Variants in NXN observed in about 807,000 individuals in gnomAD.
The protein encoded by NXN is nucleoredoxin 1.
In NXN, 16 loss-of-function variants were observed where a neutral mutation model predicts 48.6. The ratio of observed to expected loss-of-function variants is 0.33; its 90% confidence interval spans 0.22 to 0.50. The LOEUF (loss-of-function observed/expected upper bound fraction) is 0.50. Among genes scored for constraint, NXN ranks in the 20% least tolerant of loss-of-function variants. NXN has a pLI of 0.98. For missense variants in NXN, 492 were observed against 605.5 expected, an observed-to-expected ratio of 0.81 and a Z score of 1.97; for synonymous variants, 281 against 269.6, an observed-to-expected ratio of 1.04 and a Z score of -0.41.
intron 1 of NXN, among the ~76,000 whole-genome samples, chr17:899,968 C>T (rs1393973285): frequency 6.6e-6 from 1 of 152,050 alleles, no homozygotes; most frequent in South Asian, 2.1e-4. Flanking sequence ...GAGTTTAACA[C>T]TAAAACTTTT....
intron 1 of NXN, among the ~76,000 whole-genome samples, chr17:915,230 G>A (rs567249935): frequency 3.2e-4 from 49 of 152,224 alleles, no homozygotes; most frequent in African/African-American, 5.5e-4. Flanking sequence ...CACTGCACCC[G>A]GCCAGTTGAG....
At chr17:838,803 C>T (rs917283091) in intron 1 of NXN, among the ~76,000 whole-genome samples, 9 of 149,980 alleles carry the variant, frequency 6.0e-5, no homozygotes, top group African/African-American at 1.7e-4. Flanking sequence ...CAAACATCCG[C>T]CCTACAGCTG....
rs1334202727 is a variant in NXN, at chr17:956,518, ATTCTCCTGCCTC to A, written c.360+22789_360+22800del. 1.3e-5 allele frequency among the ~76,000 whole-genome samples: 2 copies of A among 152,112 alleles called. No homozygotes were observed. Among genetic ancestry groups the A allele is most frequent in the African/African-American group, 4.8e-5 (2 of 41,404 alleles). ...AACCTCCACCTCCCGGGTTCCCGCC[ATTCTCCTGCCTC>A]AGCCTCCCAAGTAGCTGGGACTACA... is the stretch of plus-strand genomic sequence containing the variant. On this transcript the variant is annotated intron_variant, in intron 1 of 7. Transcript: ENST00000336868. This position sits in a 1 kb window ranked among gnomAD's most constrained non-coding sequence, Gnocchi z 4.1.
intron 1 of NXN, among the ~76,000 whole-genome samples, chr17:960,134 G>T (rs992003851): frequency 6.6e-5 from 10 of 152,222 alleles, no homozygotes; most frequent in African/African-American, 2.4e-4. Flanking sequence ...TTTGGAACAT[G>T]TGGGAATCAG....
At chr17:899,839 A>G (rs11650972) in intron 1 of NXN, among the ~76,000 whole-genome samples, 110,129 of 152,002 alleles carry the variant, frequency 0.72, 40,808 homozygotes, top group Middle Eastern at 0.87. Flanking sequence ...GCAGTGAGCT[A>G]TGATCATGTC....
intron 1 of NXN, chr17:910,005 A>C (rs1389813515): frequency 6.6e-6 from 1 of 152,238 alleles, no homozygotes; most frequent in Non-Finnish European, 1.5e-5. Flanking sequence ...AATACTTCTA[A>C]CATAAAGGCA....
rs1034144139 is a variant in NXN at position 920,735 on chromosome 17, T to C, written c.360+58584A>G. Among the ~76,000 whole-genome samples, 12 of 148,754 alleles carry C rather than the reference T, an allele frequency of 8.1e-5. No homozygotes were observed. Among genetic ancestry groups the C allele is most frequent in the Non-Finnish European group, 4.5e-5 (3 of 66,856 alleles). ...GTTCAGGAAGCCTTTTTTTTTTTTT[T>C]CCTTTGAAACAGAGTCTCGCCCTGT... On this transcript the variant is annotated intron_variant, in intron 1 of 7. Transcript: ENST00000336868. The surrounding 1 kb of genome is among the most constrained non-coding windows in gnomAD (Gnocchi z 4.6).
chr17:856,598 C>A (rs1212810034), intron 1 of NXN, among the ~76,000 whole-genome samples: 1 of 150,318 alleles, frequency 6.7e-6, no homozygotes, highest in Non-Finnish European at 1.5e-5. Context: ...TCAAGTGAGT[C>A]TCCTGCCTCA....
intron 1 of NXN, among the ~76,000 whole-genome samples, chr17:871,399 CTTTTTT>C (rs11345310): frequency 1.7e-4 from 17 of 101,714 alleles, no homozygotes; most frequent in East Asian, 7.5e-4. Context: ...TACGCATTCA[CTTTTTT>C]TTTTTTTTTT....
At chr17:973,360 A>C (rs1336339630) in intron 1 of NXN, among the ~76,000 whole-genome samples, 1 of 152,214 alleles carries the variant, frequency 6.6e-6, no homozygotes, top group Non-Finnish European at 1.5e-5. Context: ...CACCGCCCAG[A>C]GTTAAGCAAA....
intron 1 of NXN, among the ~76,000 whole-genome samples, chr17:843,049 AAAG>A (rs1914460727): frequency 7.7e-6 from 1 of 130,204 alleles, no homozygotes; most frequent in Non-Finnish European, 1.6e-5. Context: ...AGAAAGAAAG[AAAG>A]AAAGAAGGAA....
intron 1 of NXN, among the ~76,000 whole-genome samples, chr17:971,618 G>A (rs2069379815): frequency 6.6e-6 from 1 of 151,630 alleles, no homozygotes; most frequent in African/African-American, 2.4e-5. Flanking sequence ...GCTGCGGCAG[G>A]AGAATGGCGT....
intron 1 of NXN, among the ~76,000 whole-genome samples, chr17:945,297 G>T (rs985850773): frequency 6.6e-6 from 1 of 151,804 alleles, no homozygotes; most frequent in Middle Eastern, 3.2e-3. Context: ...GGCCAGGCTG[G>T]TCTCCAACTC....
chr17:891,961 C>T (rs1215029992), intron 1 of NXN, among the ~76,000 whole-genome samples: 3 of 135,232 alleles, frequency 2.2e-5, no homozygotes, highest in East Asian at 2.4e-4. Context: ...CCCCACCATG[C>T]ACAACCCAAC....
At chr17:878,277 G>C (rs1306151811) in intron 1 of NXN, 2 of 151,716 alleles carry the variant, frequency 1.3e-5, no homozygotes, top group South Asian at 2.1e-4. Flanking sequence ...TCCAAGGTAC[G>C]GCAATGGGCG....
At chr17:882,101 T>C (rs1372064372) in intron 1 of NXN, among the ~76,000 whole-genome samples, 2 of 152,088 alleles carry the variant, frequency 1.3e-5, no homozygotes, top group East Asian at 3.9e-4. Flanking sequence ...AAATTAAACC[T>C]AAAAAAAGAA....
At chr17:872,066 G>A (rs1405782680) in intron 1 of NXN, among the ~76,000 whole-genome samples, 1 of 152,168 alleles carries the variant, frequency 6.6e-6, no homozygotes, top group African/African-American at 2.4e-5. Flanking sequence ...TGAGGAAGAA[G>A]GGCCTGAAGC....
intron 1 of NXN, among the ~76,000 whole-genome samples, chr17:914,550 A>G (rs2068667878): frequency 6.7e-6 from 1 of 148,646 alleles, no homozygotes; most frequent in Non-Finnish European, 1.5e-5. Context: ...GAGGTCTGTA[A>G]TTGGTAGCGC....
chr17:907,319 G>A (rs2132512), intron 1 of NXN, among the ~76,000 whole-genome samples: 82,419 of 151,090 alleles, frequency 0.55, 22,849 homozygotes, highest in Admixed American at 0.66. Context: ...AGGATTGTGA[G>A]GAGAAGTGAT....
Sources: gnomAD v4.1 joint callset for allele counts (sites outside exome capture counted in the v4.1 genomes callset) on GRCh38, gnomAD v4.1.1 for gene constraint, Gnocchi (gnomAD v3.1) non-coding constraint, MANE v1.5 for transcripts, NCBI Gene and HGNC (gene_info 2026-07-23, HGNC 2026-07-21) for gene names.